TLE7: variants seen among roughly 807,000 people sequenced by gnomAD.
TLE7 encodes TLE family member 7.
In TLE7 at chr16:71,430,069, G is replaced by A. The variant is rs2042795489; in HGVS notation, c.*193C>T. Among the ~76,000 whole-genome samples the A allele has an allele frequency of 6.6e-6, 1 of 152,166 alleles. No individual in the cohort carries two copies. Among genetic ancestry groups the A allele is most frequent in the African/African-American group, 2.4e-5 (1 of 41,444 alleles). On this transcript the variant is annotated 3_prime_UTR_variant, in exon 10 of 10. Coordinates refer to ENST00000561754, the MANE Select transcript of TLE7 (RefSeq NM_001367365.2). ...AAATCAGTGGTAGGAAGATAACAAA[G>A]GAAAAAGCTCCAAGCCATCTGATTA...
At chr16:71,435,849 G>A (rs2042824285) in intron 1 of TLE7, among the ~76,000 whole-genome samples, 1 of 152,182 alleles carries the variant, frequency 6.6e-6, no homozygotes, top group African/African-American at 2.4e-5. Context: ...GGCTGAGCTT[G>A]GAGCATGGAA....
chr16:71,434,925 G>A (rs1277351747), intron 1 of TLE7, among the ~76,000 whole-genome samples: 1 of 152,218 alleles, frequency 6.6e-6, no homozygotes, highest in Non-Finnish European at 1.5e-5. Context: ...TGTACAAGCT[G>A]GAGAACAGCA....
In TLE7 at chr16:71,431,407, G is replaced by A. The variant is rs2042803065; in HGVS notation, c.993+14C>T. 1 of 400,412 alleles carries A rather than the reference G, an allele frequency of 2.5e-6. No homozygotes were observed. The highest frequency in any genetic ancestry group is 2.1e-5 in the African/African-American group (1 of 48,682). 24.8% of individuals were successfully genotyped at this position (400,412 alleles called of 1,614,324 possible). On this transcript the variant is annotated intron_variant, in intron 7 of 9. Transcript: ENST00000561754. This position sits in a 1 kb window ranked among gnomAD's most constrained non-coding sequence, Gnocchi z 4.5. ...CTACAGGTGGCATTCTGCCAGTGGT[G>A]GCCAGCCGGGCACCTCATTCTGTAA...
intron 4 of TLE7, 136 bp downstream of exon 4, chr16:71,432,529 G>C: frequency 2.5e-6 from 1 of 397,872 alleles, no homozygotes. Context: ...GGGGAACAGG[G>C]AACATAGCTC....
chr16:71,433,122 C>T lies in TLE7; in HGVS notation c.203G>A (p.Ser68Asn). ...IQHSPADQETSTVTQQQWHLQ... is the reference protein window; with the variant it reads ...IQHSPADQETNTVTQQQWHLQ... ...GTGCCACTGCTGCTGGGTCACCGTG[C>T]TTGTCTCTTGATCAGCAGGGCTGTG... The change falls in exon 2 of 10, where the codon AGC (serine) becomes AAC (asparagine). Residue 68 changes from serine (S) to asparagine (N), a missense_variant. Coordinates refer to ENST00000561754, the MANE Select transcript of TLE7 (RefSeq NM_001367365.2). The T allele has an allele frequency of 2.5e-6, 1 of 398,784 alleles. No homozygotes were observed. Among genetic ancestry groups the T allele is most frequent in the South Asian group, 1.3e-4 (1 of 7,862 alleles). The allele number at this position is 398,784 out of a possible 1,614,324, so 24.7% of individuals were successfully genotyped here.
Position 71,431,677 on chromosome 16 carries a change from C to G in TLE7, c.851+84G>C. 1 of 400,374 alleles carries G rather than the reference C, an allele frequency of 2.5e-6. No homozygotes were observed. The highest frequency in any genetic ancestry group is 4.4e-6 in the Non-Finnish European group (1 of 226,312). 24.8% of individuals were successfully genotyped at this position (400,374 alleles called of 1,614,324 possible). On this transcript the variant is annotated intron_variant, in intron 6 of 9. Coordinates refer to ENST00000561754, the MANE Select transcript of TLE7 (RefSeq NM_001367365.2). The surrounding 1 kb of genome is among the most constrained non-coding windows in gnomAD (Gnocchi z 4.5). ...GATATATCTTCTACACTGACTCGCC[C>G]AGCCCTAATGCAAAGAGGGGAAAGA...
In TLE7 at chr16:71,430,322, G is replaced by T. The variant is rs2042796721; in HGVS notation, c.1266C>A (p.Asp422Glu). 6 of 398,580 alleles carry T rather than the reference G, an allele frequency of 1.5e-5. No individual in the cohort carries two copies. The East Asian group carries it at 1.8e-4, about 12-fold the overall frequency. 24.7% of individuals were successfully genotyped at this position (398,580 alleles called of 1,614,324 possible). A position where few individuals can be genotyped will look rare whatever the true frequency, so the allele number is the denominator to read the frequency against. The change falls in exon 10 of 10, where the codon GAC becomes GAA. Residue 422 changes from aspartate (D) to glutamate (E), a missense_variant. Coordinates refer to ENST00000561754, the MANE Select transcript of TLE7 (RefSeq NM_001367365.2). ...TAGAGCCCATGACCAGATACTGGTT[G>T]TCAGAGGACACGTCACAGCACAGGA... ...SGILCCDVSS[D>E]NQYLVMGSSS... is the part of the protein sequence containing the mutation.
At chr16:71,430,537 C>T (rs149552264) in intron 9 of TLE7, 131 bp downstream of exon 9, 4 of 397,692 alleles carry the variant, frequency 1.0e-5, no homozygotes, top group African/African-American at 4.1e-5. Flanking sequence ...TCTTCATTTC[C>T]CCTACTCTGT....
chr16:71,437,980 G>C (rs933957058), intron 1 of TLE7, among the ~76,000 whole-genome samples: 2 of 152,188 alleles, frequency 1.3e-5, no homozygotes, highest in Admixed American at 6.5e-5. Context: ...CAGACCCCAA[G>C]AGTCTTGGAT....
chr16:71,433,356 C>T lies in TLE7; in HGVS notation c.-32G>A, dbSNP rs989774297. The stretch of plus-strand genomic sequence containing the variant: ...AGATCAGTGAGGTGTCTGGACCACC[C>T]GGTTCTAGGACTTGACAAATAGACC... On this transcript the variant is annotated 5_prime_UTR_variant, in exon 2 of 10. Transcript: ENST00000561754. The T allele has an allele frequency of 2.5e-5, 10 of 398,468 alleles. No individual in the cohort carries two copies. Among genetic ancestry groups the T allele is most frequent in the East Asian group, 1.4e-4 (4 of 28,084 alleles). The allele number at this position is 398,468 out of a possible 1,614,324, so 24.7% of individuals were successfully genotyped here. A position where few individuals can be genotyped will look rare whatever the true frequency, so the allele number is the denominator to read the frequency against.
chr16:71,436,144 C>G (rs1443172165), intron 1 of TLE7, among the ~76,000 whole-genome samples: 1 of 152,128 alleles, frequency 6.6e-6, no homozygotes, highest in East Asian at 1.9e-4. Context: ...TCAAACCCCC[C>G]ATGGCAGGAA....
chr16:71,435,021 G>C (rs2042820817), intron 1 of TLE7, among the ~76,000 whole-genome samples: 1 of 152,154 alleles, frequency 6.6e-6, no homozygotes, highest in Non-Finnish European at 1.5e-5. Context: ...CCTGGGATTT[G>C]GCAGATGTCT....
chr16:71,441,052 T>C (rs1227004507), intron 1 of TLE7, among the ~76,000 whole-genome samples: 1 of 152,194 alleles, frequency 6.6e-6, no homozygotes, highest in Non-Finnish European at 1.5e-5. Context: ...GAAGTTTGCA[T>C]TCCCAAGTCC....
rs911381658 is a variant in TLE7 at position 71,430,119 on chromosome 16, C to T, written c.*143G>A. On this transcript the variant is annotated 3_prime_UTR_variant, in exon 10 of 10. Transcript: ENST00000561754. Reference sequence around the variant, plus strand: ...AAAATCTGGGAGTGCAGGCTGAGAGCGGGCTACTGGAGGGGAGGGATGACC... The same window carrying T: ...AAAATCTGGGAGTGCAGGCTGAGAGTGGGCTACTGGAGGGGAGGGATGACC... 4 of 395,342 alleles carry T rather than the reference C, an allele frequency of 1.0e-5. No homozygotes were observed. Among genetic ancestry groups the T allele is most frequent in the Admixed American group, 4.4e-5 (1 of 22,618 alleles). 24.5% of individuals were successfully genotyped at this position (395,342 alleles called of 1,614,324 possible). A position where few individuals can be genotyped will look rare whatever the true frequency, so the allele number is the denominator to read the frequency against.
chr16:71,438,440 A>AAAAAAG (rs1555529925), intron 1 of TLE7, among the ~76,000 whole-genome samples: 20 of 131,492 alleles, frequency 1.5e-4, no homozygotes, highest in Non-Finnish European at 1.9e-4. Flanking sequence ...AAAAAAAAAA[A>AAAAAAG]AGAGAGAGAG....
chr16:71,431,583 T>C lies in TLE7; in HGVS notation c.852-21A>G. 2.5e-6 allele frequency: 1 copy of C among 400,618 alleles called. No individual in the cohort carries two copies. Among genetic ancestry groups the C allele is most frequent in the Non-Finnish European group, 4.4e-6 (1 of 226,276 alleles). 24.8% of individuals were successfully genotyped at this position (400,618 alleles called of 1,614,324 possible). ...GCTTCCTGGTGGGTGGGAAAACAAC[T>C]CAGAGGGTCACTGAATGGTTTGGGC... On this transcript the variant is annotated intron_variant, in intron 6 of 9. Transcript: ENST00000561754. The surrounding 1 kb of genome is among the most constrained non-coding windows in gnomAD (Gnocchi z 4.5).
intron 4 of TLE7, 28 bp from the exon 5 acceptor site, chr16:71,432,353 G>A (rs2042808707): frequency 2.5e-6 from 1 of 399,780 alleles, no homozygotes; most frequent in Admixed American, 4.4e-5. Context: ...GGGTAGCAGT[G>A]GCCCTGACCT....
intron 1 of TLE7, among the ~76,000 whole-genome samples, chr16:71,439,210 G>C (rs2042838143): frequency 6.6e-6 from 1 of 152,202 alleles, no homozygotes; most frequent in South Asian, 2.1e-4. Context: ...GGGCTGTAAA[G>C]GGGTGGGGTG....
At chr16:71,439,768 G>A (rs1264179425) in intron 1 of TLE7, among the ~76,000 whole-genome samples, 1 of 152,184 alleles carries the variant, frequency 6.6e-6, no homozygotes, top group East Asian at 1.9e-4. Flanking sequence ...CTCCTACGTT[G>A]CTGATAGGAA....
Sources: allele counts gnomAD v4.1 joint callset (sites outside exome capture counted in the v4.1 genomes callset), GRCh38; gene constraint gnomAD v4.1.1; non-coding constraint Gnocchi (gnomAD v3.1); transcripts MANE v1.5; gene names NCBI Gene and HGNC (gene_info 2026-07-23, HGNC 2026-07-21).